The following PCDH15 variants were observed in gnomAD, a reference collection of about 807,000 sequenced individuals.
PCDH15 encodes protocadherin related 15.
In PCDH15, 129 loss-of-function variants were observed where a neutral mutation model predicts 178.5. The ratio of observed to expected loss-of-function variants is 0.72; its 90% CI spans 0.63 to 0.84. The LOEUF (loss-of-function observed/expected upper bound fraction) is 0.84. PCDH15 is among the 40% of genes least tolerant of loss of function. The pLI is 0.00. For missense variants in PCDH15, 2,230 were observed against 2,099.9 expected, an observed-to-expected ratio of 1.06 and a Z score of -1.21; for synonymous variants, 800 against 732.0, an observed-to-expected ratio of 1.09 and a Z score of -1.50.
At chr10:55,301,111 G>A (rs1366371035) in intron 1 of PCDH15, among the ~76,000 whole-genome samples, 1 of 152,092 alleles carries the variant, frequency 6.6e-6, no homozygotes, top group East Asian at 1.9e-4. Context: ...TATTTCTCTA[G>A]GATAAGTGCA....
At chr10:54,130,422 C>T (rs991893246) in intron 15 of PCDH15, among the ~76,000 whole-genome samples, 12 of 152,008 alleles carry the variant, frequency 7.9e-5, no homozygotes, top group Middle Eastern at 3.2e-3. Flanking sequence ...TTTCACTGGC[C>T]GGTGAGAACG....
chr10:53,912,301 A>G (rs1031094963), intron 25 of PCDH15, among the ~76,000 whole-genome samples: 8 of 152,206 alleles, frequency 5.3e-5, no homozygotes, highest in African/African-American at 1.9e-4. Flanking sequence ...ATTTCTCAAA[A>G]TAAGAGGTAT....
intron 3 of PCDH15, among the ~76,000 whole-genome samples, chr10:54,429,694 T>C (rs1956736078): frequency 6.6e-6 from 1 of 152,150 alleles, no homozygotes; most frequent in African/African-American, 2.4e-5. Context: ...TATACTCATA[T>C]AAGACAAAAT....
At chr10:55,380,323 G>A (rs1268129108) in intron 2 of PCDH15, among the ~76,000 whole-genome samples, 1 of 152,144 alleles carries the variant, frequency 6.6e-6, no homozygotes, top group Admixed American at 6.5e-5. Context: ...AAGAATTTAA[G>A]AACTCTCTGA....
chr10:55,242,061 T>C (rs1451067286), intron 1 of PCDH15, among the ~76,000 whole-genome samples: 1 of 152,172 alleles, frequency 6.6e-6, no homozygotes, highest in East Asian at 1.9e-4. Context: ...ATAATATATA[T>C]GGAAGTATAT....
At chr10:54,427,154 G>A (rs1171484581) in intron 3 of PCDH15, among the ~76,000 whole-genome samples, 1 of 149,736 alleles carries the variant, frequency 6.7e-6, no homozygotes, top group Non-Finnish European at 1.5e-5. Flanking sequence ...GGATTATCTA[G>A]TATACTCCAC....
intron 3 of PCDH15, among the ~76,000 whole-genome samples, chr10:54,380,727 T>TATATATATACAC (rs1949121027): frequency 1.1e-5 from 1 of 91,456 alleles, no homozygotes; most frequent in African/African-American, 4.4e-5. Context: ...TATATATATA[T>TATATATATACAC]ATATATATAT....
chr10:54,342,765 G>A (rs1942492626), intron 6 of PCDH15, among the ~76,000 whole-genome samples: 1 of 152,204 alleles, frequency 6.6e-6, no homozygotes, highest in Non-Finnish European at 1.5e-5. Flanking sequence ...GCTGCCCAAG[G>A]CCTTGGAAGC....
In PCDH15 at chr10:53,823,145, G is replaced by T. The variant is rs10825114; in HGVS notation, c.4368-2915C>A. On this transcript the variant is annotated intron_variant, in intron 32 of 37. Coordinates refer to ENST00000644397, the MANE Select transcript of PCDH15 (RefSeq NM_001384140.1). The stretch of plus-strand genomic sequence containing the variant: ...CTTGACTTATGTTTTCCTTATAAAG[G>T]GGATTATGGGCACTTAAGTCATCCT... 0.1 allele frequency: 162,206 copies of T among 1,613,698 alleles called. 23,092 individuals carry two copies. The highest frequency in any genetic ancestry group is 0.77 in the East Asian group (34,628 of 44,852).
At chr10:54,086,589 C>T (rs2094520473) in intron 16 of PCDH15, among the ~76,000 whole-genome samples, 1 of 152,090 alleles carries the variant, frequency 6.6e-6, no homozygotes, top group African/African-American at 2.4e-5. Flanking sequence ...ATTTCAAATG[C>T]ATTGAAATGT....
intron 23 of PCDH15, among the ~76,000 whole-genome samples, chr10:53,942,914 T>G (rs912008886): frequency 4.6e-5 from 7 of 152,172 alleles, no homozygotes; most frequent in African/African-American, 1.7e-4. Flanking sequence ...AAACTAATAT[T>G]TGAACAATGG....
chr10:55,412,442 A>G (rs1381570573), intron 2 of PCDH15, among the ~76,000 whole-genome samples: 1 of 152,054 alleles, frequency 6.6e-6, no homozygotes, highest in East Asian at 1.9e-4. Context: ...CATATGTGCA[A>G]TAGAGTAGAG....
intron 2 of PCDH15, among the ~76,000 whole-genome samples, chr10:55,353,691 T>C (rs943167119): frequency 1.3e-5 from 2 of 152,062 alleles, no homozygotes; most frequent in African/African-American, 4.8e-5. Context: ...TGACTGAGTC[T>C]TGTTTCATAA....
intron 1 of PCDH15, among the ~76,000 whole-genome samples, chr10:55,304,347 G>A (rs1476393651): frequency 6.6e-6 from 1 of 152,060 alleles, no homozygotes; most frequent in African/African-American, 2.4e-5. Context: ...TAGGATACGT[G>A]AGAAAAAAAT....
intron 25 of PCDH15, among the ~76,000 whole-genome samples, chr10:53,933,976 T>C (rs10763030): frequency 0.7 from 101,223 of 144,712 alleles, 34,675 homozygotes; most frequent in East Asian, 0.94. Context: ...TATCTTCTTT[T>C]GAGAAGTGTC....
At chr10:55,165,423 A>G (rs1381850918) in intron 2 of PCDH15, among the ~76,000 whole-genome samples, 1 of 151,980 alleles carries the variant, frequency 6.6e-6, no homozygotes, top group Non-Finnish European at 1.5e-5. Flanking sequence ...AAACTTGAGC[A>G]TATTATTTAA....
chr10:53,925,066 G>C (rs1291359472), intron 25 of PCDH15, among the ~76,000 whole-genome samples: 1 of 152,126 alleles, frequency 6.6e-6, no homozygotes, highest in Admixed American at 6.5e-5. Context: ...GCCACATGAG[G>C]GAATAAAAGC....
intron 1 of PCDH15, among the ~76,000 whole-genome samples, chr10:55,292,716 C>A (rs532554776): frequency 7.2e-5 from 11 of 152,302 alleles, no homozygotes; most frequent in Admixed American, 7.2e-4. Context: ...AAAATGATCT[C>A]TTTAACTCCA....
chr10:54,863,506 C>T (rs186664360), intron 3 of PCDH15, among the ~76,000 whole-genome samples: 3 of 152,268 alleles, frequency 2.0e-5, no homozygotes, highest in South Asian at 2.1e-4. Context: ...CGTGCCACTG[C>T]GCTCCAGCCT....
Sources: gnomAD v4.1 joint callset for allele counts (sites outside exome capture counted in the v4.1 genomes callset) on GRCh38, gnomAD v4.1.1 for gene constraint, MANE v1.5 for transcripts, NCBI Gene and HGNC (gene_info 2026-07-23, HGNC 2026-07-21) for gene names.